Variants in LYST observed in about 807,000 individuals in gnomAD.
LYST encodes the protein lysosomal trafficking regulator.
LYST carries 192 observed loss-of-function variants against 413.6 expected under a neutral mutation model. That is an observed-to-expected ratio of 0.46 (90% CI 0.41 to 0.52). LYST has a LOEUF of 0.52. Ranked by LOEUF, LYST falls within the 20% of genes least tolerant of loss-of-function variation. The pLI, the probability that LYST is intolerant of heterozygous loss-of-function variation, is 0.00. For synonymous variants in LYST, 1,525 were observed against 1,567.3 expected (o/e 0.97, Z 0.64); for missense variants, 3,815 against 4,499.9 (o/e 0.85, Z 4.35).
At chr1:235,844,982 C>A (rs754869577) in intron 1 of LYST, among the ~76,000 whole-genome samples, 4 of 151,890 alleles carry the variant, frequency 2.6e-5, no homozygotes, top group Non-Finnish European at 5.9e-5. Context: ...GGGATCATGG[C>A]GAAGGGAGGC....
chr1:235,746,565 G>T, intron 28 of LYST, 38 bp from the exon 29 acceptor site: 2 of 1,472,398 alleles, frequency 1.4e-6, no homozygotes, highest in Non-Finnish European at 1.9e-6. Context: ...AAATCCCAGT[G>T]TTAATAAGGA....
intron 25 of LYST, 71 bp downstream of exon 25, chr1:235,755,407 A>AGAAAG (rs1553282880): frequency 2.8e-5 from 37 of 1,298,310 alleles, no homozygotes; most frequent in Non-Finnish European, 3.9e-5. Context: ...AGAAAAGAAA[A>AGAAAG]GAAAAGAAAA....
intron 2 of LYST, among the ~76,000 whole-genome samples, chr1:235,831,641 A>G (rs964473784): frequency 1.3e-5 from 2 of 152,210 alleles, no homozygotes; most frequent in African/African-American, 2.4e-5. Flanking sequence ...TTTGATTCCC[A>G]TCAAAATTCT....
At chr1:235,733,381 TA>T in intron 34 of LYST, 121 bp downstream of exon 34, 1 of 849,728 alleles carries the variant, frequency 1.2e-6, no homozygotes, top group East Asian at 2.7e-5. Context: ...CACAAATGAT[TA>T]AACAAAAAAT....
chr1:235,782,462 C>A (rs1669971431), intron 14 of LYST, among the ~76,000 whole-genome samples: 1 of 151,958 alleles, frequency 6.6e-6, no homozygotes. Flanking sequence ...TGTGAGCCAC[C>A]ACACCCGGCC....
rs3820553 is a variant in LYST, at chr1:235,809,135, T to C, written c.1683A>G (p.Leu561=). The C allele has an allele frequency of 0.38, 620,630 of 1,613,674 alleles. 124,423 individuals carry two copies. The highest frequency in any genetic ancestry group is 0.5 in the African/African-American group (37,230 of 74,906). The part of the protein sequence containing the change: ...AVCAHQCLRL[L]QQASLSSTCV... ...AAGTGCTGCTCAAGGAAGCCTGCTG[T>C]AGTAAGCGCAAGCACTGATGGGCAC... The change falls in exon 5 of 53, where the codon CTA becomes CTG. Residue 561 remains leucine (L), a synonymous_variant. Transcript: ENST00000389793. This position sits in a 1 kb window ranked among gnomAD's most constrained non-coding sequence, Gnocchi z 4.0.
chr1:235,862,127 G>T (rs1230026720), intron 1 of LYST, among the ~76,000 whole-genome samples: 1 of 152,184 alleles, frequency 6.6e-6, no homozygotes, highest in Non-Finnish European at 1.5e-5. Context: ...GAGAGACAGA[G>T]TTAGTAGTCA....
intron 3 of LYST, among the ~76,000 whole-genome samples, chr1:235,815,740 A>G (rs1673981272): frequency 6.6e-6 from 1 of 152,230 alleles, no homozygotes; most frequent in East Asian, 1.9e-4. Flanking sequence ...AAGGTGAAAG[A>G]TTTCTACAAT....
intron 38 of LYST, among the ~76,000 whole-genome samples, chr1:235,725,536 T>G (rs1040748671): frequency 6.6e-6 from 1 of 152,200 alleles, no homozygotes; most frequent in African/African-American, 2.4e-5. Flanking sequence ...AGCCTCTCTC[T>G]GAGAATTCAT....
intron 48 of LYST, among the ~76,000 whole-genome samples, chr1:235,679,176 T>G (rs1359137959): frequency 6.6e-6 from 1 of 152,214 alleles, no homozygotes; most frequent in Non-Finnish European, 1.5e-5. Context: ...AGCGACCAGA[T>G]CAGCTTTTAA....
At position 235,691,656 on chromosome 1, in the gene LYST, G is replaced by A. The variant is rs1270913577; in HGVS notation, c.10701+1694C>T. ...AACAAATTTGGGGGACACAAATAGT[G>A]GTAGTTAGGAAGTCTGTAAGTACTA... On this transcript the variant is annotated intron_variant, in intron 47 of 52. Coordinates refer to ENST00000389793, the MANE Select transcript of LYST (RefSeq NM_000081.4). Among the ~76,000 whole-genome samples, 3 of 150,912 alleles carry A rather than the reference G, an allele frequency of 2.0e-5. No individual in the cohort carries two copies. In the East Asian group the frequency reaches 5.8e-4, roughly 29 times the overall value.
At chr1:235,766,307 T>G in intron 20 of LYST, 30 bp from the exon 21 acceptor site, 11 of 1,511,752 alleles carry the variant, frequency 7.3e-6, no homozygotes, top group Non-Finnish European at 1.0e-5. Context: ...TCTCTTTAGA[T>G]TTAAAGAATT....
chr1:235,832,358 GAATA>G (rs901628159), intron 2 of LYST, among the ~76,000 whole-genome samples: 1 of 151,964 alleles, frequency 6.6e-6, no homozygotes, highest in African/African-American at 2.4e-5. Context: ...AAAATTATGG[GAATA>G]ATTAAGTCTA....
chr1:235,828,265 G>C (rs1201349679), intron 3 of LYST: 1 of 537,102 alleles, frequency 1.9e-6, no homozygotes, highest in African/African-American at 2.1e-5. Flanking sequence ...CTTAGGGGTA[G>C]GGGAATGGAA....
At chr1:235,829,962 T>G in intron 3 of LYST, 1 of 321,636 alleles carries the variant, frequency 3.1e-6, no homozygotes. Context: ...CATAGTTATC[T>G]CACTGATATT....
intron 48 of LYST, among the ~76,000 whole-genome samples, chr1:235,678,424 A>C (rs1008483333): frequency 6.6e-6 from 1 of 152,220 alleles, no homozygotes; most frequent in Non-Finnish European, 1.5e-5. Flanking sequence ...ACCGATACTC[A>C]GCAGTTATGG....
chr1:235,664,441 A>C lies in LYST; in HGVS notation c.11195+24T>G, dbSNP rs754564404. On this transcript the variant is annotated intron_variant, in intron 51 of 52. Coordinates refer to ENST00000389793, the MANE Select transcript of LYST (RefSeq NM_000081.4). The surrounding 1 kb of genome is among the most constrained non-coding windows in gnomAD (Gnocchi z 4.5). Reference sequence around the variant, plus strand: ...TGTGTCCTTATGAATGAAATCAAAAAAAGAGAATCCAAATTCCTCTTACCT... The same window carrying C: ...TGTGTCCTTATGAATGAAATCAAAACAAGAGAATCCAAATTCCTCTTACCT... 65 of 1,610,022 alleles carry C rather than the reference A, an allele frequency of 4.0e-5. No homozygotes were observed. The highest frequency in any genetic ancestry group is 5.2e-5 in the Non-Finnish European group (61 of 1,176,646).
chr1:235,805,864 A>G lies in LYST; in HGVS notation c.3272T>C (p.Phe1091Ser). The change falls in exon 6 of 53, where the codon TTT (phenylalanine) becomes TCT (serine). Residue 1091 changes from phenylalanine (F) to serine (S), a missense_variant. By Grantham distance (155) the Phe-to-Ser change is radical (BLOSUM62 -2). Around this residue, in one of 4 missense-constraint regions of LYST, gnomAD observed 1,648 missense variants for 1,810.3 expected, o/e 0.91. Coordinates refer to ENST00000389793, the MANE Select transcript of LYST (RefSeq NM_000081.4). ...TGAGGTCTCACTTTCTTGACTTGTA[A>G]ATAGCTTTGCTTCCTCGGGAGCGGC... ...TEAAPEEAKL[F>S]TSQESETSLQ... 1 of 1,613,816 alleles carries G rather than the reference A, an allele frequency of 6.2e-7. No homozygotes were observed. The highest frequency in any genetic ancestry group is 8.5e-7 in the Non-Finnish European group (1 of 1,179,910).
At chr1:235,847,226 A>G (rs1320209619) in intron 1 of LYST, among the ~76,000 whole-genome samples, 1 of 152,144 alleles carries the variant, frequency 6.6e-6, no homozygotes, top group East Asian at 1.9e-4. Context: ...CTAACTTCAG[A>G]CTCCTCAAAC....
Sources: allele counts gnomAD v4.1 joint callset (sites outside exome capture counted in the v4.1 genomes callset), GRCh38; gene constraint gnomAD v4.1.1; regional missense constraint gnomAD v4.1.1; non-coding constraint Gnocchi (gnomAD v3.1); transcripts MANE v1.5; gene names NCBI Gene and HGNC (gene_info 2026-07-23, HGNC 2026-07-21).